Variants in PCDHGA8 observed in about 807,000 individuals in gnomAD.
PCDHGA8 encodes protocadherin gamma subfamily A, 8, also known as protocadherin gamma-A8.
PCDHGA8 carries 45 observed loss-of-function variants against 59.2 expected under a neutral mutation model. The observed-to-expected ratio is 0.76, with a 90% CI of 0.60 to 0.98. PCDHGA8 has a LOEUF of 0.98. PCDHGA8 is among the 50% of genes least tolerant of loss of function. The probability of loss-of-function intolerance (pLI) is 0.00; values close to 1 mark genes in which losing one functional copy is unlikely to be tolerated. For synonymous variants in PCDHGA8, 531 were observed against 519.0 expected, an observed-to-expected ratio of 1.02 and a Z score of -0.32; for missense variants, 1,257 against 1,196.2, an observed-to-expected ratio of 1.05 and a Z score of -0.75.
intron 1 of PCDHGA8, among the ~76,000 whole-genome samples, chr5:141,436,713 G>C (rs2097842329): frequency 6.6e-6 from 1 of 152,308 alleles, no homozygotes; most frequent in East Asian, 1.9e-4. Flanking sequence ...TCGATGTTCT[G>C]TTGGGAAAAA....
At chr5:141,488,011 T>C (rs1424799954) in intron 1 of PCDHGA8, among the ~76,000 whole-genome samples, 1 of 152,182 alleles carries the variant, frequency 6.6e-6, no homozygotes, top group Non-Finnish European at 1.5e-5. Context: ...GATTCTGAAG[T>C]ACCTTAACTC....
In PCDHGA8 at chr5:141,392,776, C is replaced by T; in HGVS notation, c.-38C>T. ...AAACTAAATAAGACCCATTTATGCA[C>T]AGTGAAGATTCTGAGAGGATTCTGC... On this transcript the variant is annotated 5_prime_UTR_variant, in exon 1 of 4. Transcript: ENST00000398604. 1 of 1,526,772 alleles carries T rather than the reference C, an allele frequency of 6.5e-7. No homozygotes were observed. Among genetic ancestry groups the T allele is most frequent in the African/African-American group, 1.4e-5 (1 of 72,292 alleles). 94.6% of individuals were successfully genotyped at this position (1,526,772 alleles called of 1,614,324 possible). A position where few individuals can be genotyped will look rare whatever the true frequency, so the allele number is the denominator to read the frequency against.
In PCDHGA8 at chr5:141,393,623, T is replaced by A. The variant is rs1446921809; in HGVS notation, c.810T>A (p.Asp270Glu). 2 of 1,613,916 alleles carry A rather than the reference T, an allele frequency of 1.2e-6. No homozygotes were observed. Among genetic ancestry groups the A allele is most frequent in the African/African-American group, 2.7e-5 (2 of 75,050 alleles). Residue 270 changes from aspartate (D) to glutamate (E), a missense_variant, in exon 1 of 4, where the codon GAT becomes GAA. Transcript: ENST00000398604. The stretch of plus-strand genomic sequence containing the variant: ...TTACTGTAACAGCCAGCGACCCGGA[T>A]GAGGGAATCAACGGAAAAGTGGCAT... ...RLLTVTASDP[D>E]EGINGKVAYK...
chr5:141,398,048 G>T, intron 1 of PCDHGA8: 2 of 1,506,604 alleles, frequency 1.3e-6, no homozygotes, highest in South Asian at 1.3e-5. Flanking sequence ...CCCGTTCGGA[G>T]ATCCAAAAAT....
chr5:141,441,295 A>C (rs952946372), intron 1 of PCDHGA8: 3 of 152,240 alleles, frequency 2.0e-5, no homozygotes, highest in Non-Finnish European at 4.4e-5. Flanking sequence ...CACATGTCTG[A>C]TATAAGAAAA....
chr5:141,405,394 C>T, intron 1 of PCDHGA8: 4 of 1,593,132 alleles, frequency 2.5e-6, no homozygotes, highest in Non-Finnish European at 3.4e-6. Context: ...CATTTTTTTT[C>T]TTTCTTTCTT....
At chr5:141,428,606 A>G (rs1270096118) in intron 1 of PCDHGA8, 4 of 216,044 alleles carry the variant, frequency 1.9e-5, no homozygotes, top group Admixed American at 1.6e-4. Context: ...TTCACTGAAG[A>G]GAATAACAAG....
rs902072815 is a variant in PCDHGA8, at chr5:141,495,024, C to A, written c.2483+159C>A. On this transcript the variant is annotated intron_variant, in intron 2 of 3. Coordinates refer to ENST00000398604, the MANE Select transcript of PCDHGA8 (RefSeq NM_032088.2). ...GGTGTGCGGGGGGCTGGCACACAGACCCCGGAAGGAAGAGGCGACTGCCCT... is the reference window on the plus strand; with the variant it reads ...GGTGTGCGGGGGGCTGGCACACAGAACCCGGAAGGAAGAGGCGACTGCCCT... The A allele has an allele frequency of 1.6e-5, 16 of 973,368 alleles. No homozygotes were observed. In the South Asian group the frequency reaches 5.7e-4, roughly 35 times the overall value. The allele number at this position is 973,368 out of a possible 1,614,324, so 60.3% of individuals were successfully genotyped here. A position where few individuals can be genotyped will look rare whatever the true frequency, so the allele number is the denominator to read the frequency against.
At chr5:141,499,835 C>T (rs931946377) in intron 2 of PCDHGA8, among the ~76,000 whole-genome samples, 2 of 151,916 alleles carry the variant, frequency 1.3e-5, no homozygotes, top group Admixed American at 6.6e-5. Flanking sequence ...TACAGGTGTG[C>T]ACCACCACAC....
intron 1 of PCDHGA8, chr5:141,421,945 A>T: frequency 2.5e-6 from 4 of 1,613,342 alleles, no homozygotes; most frequent in Non-Finnish European, 3.4e-6. Context: ...AAATGATCAC[A>T]TCCCAATGTT....
At chr5:141,414,870 G>T in intron 1 of PCDHGA8, 1 of 1,614,224 alleles carries the variant, frequency 6.2e-7, no homozygotes, top group Non-Finnish European at 8.5e-7. Flanking sequence ...ATGCGCCCGA[G>T]ATCCTGTACC....
rs1172367083 is a variant in PCDHGA8 at position 141,393,098 on chromosome 5, C to G, written c.285C>G (p.Leu95=). ...ITAGRIDREE[L]CAQSPRCLIN... ...CGGGCAGGATAGATCGGGAGGAGCT[C>G]TGCGCTCAGAGCCCGCGGTGTCTGA... The change falls in exon 1 of 4, where the codon CTC becomes CTG. Residue 95 remains leucine, a synonymous_variant. Coordinates refer to ENST00000398604, the MANE Select transcript of PCDHGA8 (RefSeq NM_032088.2). 1 of 1,613,610 alleles carries G rather than the reference C, an allele frequency of 6.2e-7. No homozygotes were observed. Among genetic ancestry groups the G allele is most frequent in the African/African-American group, 1.3e-5 (1 of 75,058 alleles).
chr5:141,418,351 G>A, intron 1 of PCDHGA8: 1 of 1,614,026 alleles, frequency 6.2e-7, no homozygotes, highest in Non-Finnish European at 8.5e-7. Flanking sequence ...ATATTAGTAT[G>A]AATTCGCTGA....
chr5:141,508,935 A>T (rs180987868), intron 3 of PCDHGA8, among the ~76,000 whole-genome samples: 2 of 152,118 alleles, frequency 1.3e-5, no homozygotes, highest in Non-Finnish European at 2.9e-5. Context: ...GGAGTTAATT[A>T]GGGAAAACAG....
chr5:141,409,480 C>G, intron 1 of PCDHGA8: 1 of 1,614,002 alleles, frequency 6.2e-7, no homozygotes, highest in Non-Finnish European at 8.5e-7. Context: ...TAGCCACTGA[C>G]AGGGGCAAGC....
chr5:141,423,213 C>A, intron 1 of PCDHGA8: 1 of 1,613,710 alleles, frequency 6.2e-7, no homozygotes, highest in Non-Finnish European at 8.5e-7. Flanking sequence ...TCACGCTCAC[C>A]GTGGCTGTGG....
rs1023591745 is a variant in PCDHGA8 at position 141,432,912 on chromosome 5, G to T, written c.2424+37675G>T. 2.5e-6 allele frequency: 4 copies of T among 1,614,160 alleles called. No individual in the cohort carries two copies. Among genetic ancestry groups the T allele is most frequent in the Non-Finnish European group, 3.4e-6 (4 of 1,180,012 alleles). On this transcript the variant is annotated intron_variant, in intron 1 of 3. Transcript: ENST00000398604. The surrounding 1 kb of genome is among the most constrained non-coding windows in gnomAD (Gnocchi z 6.0). Reference sequence around the variant, plus strand: ...TTGCTGCTGGCGCTCAGGCTGCGGCGCTGGCACAAGTCACGCCTGCTGCAG... The same window carrying T: ...TTGCTGCTGGCGCTCAGGCTGCGGCTCTGGCACAAGTCACGCCTGCTGCAG...
At chr5:141,409,054 T>C (rs1314214077) in intron 1 of PCDHGA8, 2 of 1,613,910 alleles carry the variant, frequency 1.2e-6, no homozygotes, top group Non-Finnish European at 1.7e-6. Flanking sequence ...TCCGAAGCAC[T>C]GCCCAGAGCA....
rs753256077 is a variant in PCDHGA8 at position 141,431,467 on chromosome 5, C to A, written c.2424+36230C>A. On this transcript the variant is annotated intron_variant, in intron 1 of 3. Coordinates refer to ENST00000398604, the MANE Select transcript of PCDHGA8 (RefSeq NM_032088.2). The surrounding 1 kb of genome is among the most constrained non-coding windows in gnomAD (Gnocchi z 4.8). The stretch of plus-strand genomic sequence containing the variant: ...TCCGCGTGATGGTTCTGGATGCGAA[C>A]GACAACGCACCAGCGTTTGCTCAGC... 1.9e-5 allele frequency: 31 copies of A among 1,613,684 alleles called. No homozygotes were observed. The highest frequency in any genetic ancestry group is 3.4e-6 in the Non-Finnish European group (4 of 1,179,964).
Sources: allele counts gnomAD v4.1 joint callset (sites outside exome capture counted in the v4.1 genomes callset), GRCh38; gene constraint gnomAD v4.1.1; non-coding constraint Gnocchi (gnomAD v3.1); transcripts MANE v1.5; gene names NCBI Gene and HGNC (gene_info 2026-07-23, HGNC 2026-07-21).